The following FAM168A variants were observed in gnomAD, a reference collection of about 807,000 sequenced individuals.
FAM168A encodes the protein family with sequence similarity 168 member A.
A neutral mutation model predicts 28.5 loss-of-function variants in FAM168A; 3 were observed. That is an observed-to-expected ratio of 0.11 (90% CI 0.05 to 0.27). FAM168A has a LOEUF of 0.27. Among genes scored for constraint, FAM168A ranks in the 10% least tolerant of loss-of-function variants. The pLI, the probability that FAM168A is intolerant of heterozygous loss-of-function variation, is 1.00. For missense variants in FAM168A, 222 were observed against 311.5 expected (o/e 0.71, Z 2.16); for synonymous variants, 122 against 124.2 (o/e 0.98, Z 0.12).
chr11:73,515,248 G>A (rs1255339435), intron 1 of FAM168A, among the ~76,000 whole-genome samples: 1 of 152,070 alleles, frequency 6.6e-6, no homozygotes, highest in Non-Finnish European at 1.5e-5. Context: ...AGTGGCTCAC[G>A]CCTGTAAGCC....
chr11:73,535,798 T>C (rs1467824581), intron 1 of FAM168A, among the ~76,000 whole-genome samples: 1 of 148,200 alleles, frequency 6.7e-6, no homozygotes, highest in Non-Finnish European at 1.5e-5. Context: ...TGGGCTGAAG[T>C]GATCCTCCCA....
At chr11:73,571,687 C>T (rs564857292) in intron 1 of FAM168A, among the ~76,000 whole-genome samples, 1 of 152,096 alleles carries the variant, frequency 6.6e-6, no homozygotes, top group Admixed American at 6.5e-5. Flanking sequence ...AAGTGAGGAG[C>T]GTCTCTGCCT....
chr11:73,511,563 TAAG>T (rs1565277394), intron 1 of FAM168A, among the ~76,000 whole-genome samples: 1 of 152,140 alleles, frequency 6.6e-6, no homozygotes, highest in African/African-American at 2.4e-5. Context: ...TAATGAATCT[TAAG>T]CTGTTTTAGC....
intron 2 of FAM168A, among the ~76,000 whole-genome samples, chr11:73,458,815 T>C (rs1448738169): frequency 3.3e-5 from 5 of 152,164 alleles, no homozygotes; most frequent in Non-Finnish European, 7.4e-5. Flanking sequence ...TTTCACTATG[T>C]TGGCCAGGCT....
chr11:73,586,320 C>T (rs931559746), intron 1 of FAM168A, among the ~76,000 whole-genome samples: 2 of 152,128 alleles, frequency 1.3e-5, no homozygotes, highest in African/African-American at 4.8e-5. Flanking sequence ...ATGACATACA[C>T]CTGTAGTCCC....
chr11:73,447,536 A>G (rs997751263), intron 2 of FAM168A, among the ~76,000 whole-genome samples: 3 of 150,450 alleles, frequency 2.0e-5, no homozygotes, highest in African/African-American at 4.9e-5. Flanking sequence ...AGCCTGGGCA[A>G]CAGAGTGTAA....
At chr11:73,442,369 G>A (rs1330760292) in intron 2 of FAM168A, among the ~76,000 whole-genome samples, 2 of 151,880 alleles carry the variant, frequency 1.3e-5, no homozygotes, top group East Asian at 1.9e-4. Flanking sequence ...CTCATGATCC[G>A]TCTGCCTCAG....
intron 1 of FAM168A, among the ~76,000 whole-genome samples, chr11:73,561,063 A>G (rs1168487513): frequency 4.8e-5 from 6 of 125,624 alleles, no homozygotes; most frequent in Admixed American, 4.5e-4. Context: ...CTCTGTCCCA[A>G]AAAAAAAAAA....
At chr11:73,411,574 G>T in intron 4 of FAM168A, 38 bp from the exon 5 acceptor site, 1 of 1,612,274 alleles carries the variant, frequency 6.2e-7, no homozygotes, top group Non-Finnish European at 8.5e-7. Flanking sequence ...CAGTTAGTTG[G>T]CAGAAAAGCA....
intron 1 of FAM168A, among the ~76,000 whole-genome samples, chr11:73,544,475 T>C (rs974752033): frequency 2.0e-5 from 3 of 151,818 alleles, no homozygotes; most frequent in African/African-American, 7.3e-5. Context: ...TAAAAACTTA[T>C]ATGCTAATGT....
At chr11:73,438,615 C>A (rs966742657) in intron 2 of FAM168A, among the ~76,000 whole-genome samples, 6 of 151,878 alleles carry the variant, frequency 4.0e-5, no homozygotes, top group Non-Finnish European at 5.9e-5. Context: ...TGGAATTAAT[C>A]AAAAAATAAC....
At chr11:73,457,720 T>G (rs1867561374) in intron 2 of FAM168A, among the ~76,000 whole-genome samples, 3 of 43,802 alleles carry the variant, frequency 6.8e-5, no homozygotes, top group Non-Finnish European at 8.2e-5. Context: ...CTAGCCTGGG[T>G]GACAAAAAAA....
At chr11:73,422,049 C>T (rs1217431310) in intron 3 of FAM168A, among the ~76,000 whole-genome samples, 5 of 152,180 alleles carry the variant, frequency 3.3e-5, no homozygotes, top group African/African-American at 1.2e-4. Context: ...CTGAGGTCTA[C>T]ACTGCACTCA....
rs1207363433 is a variant in FAM168A at position 73,401,906 on chromosome 11, C to T, written c.*4857G>A. 1 of 152,208 alleles carries T rather than the reference C, an allele frequency of 6.6e-6. No individual in the cohort carries two copies. Among genetic ancestry groups the T allele is most frequent in the Non-Finnish European group, 1.5e-5 (1 of 68,050 alleles). The allele number at this position is 152,208 out of a possible 1,614,324, so 9.4% of individuals were successfully genotyped here. A position where few individuals can be genotyped will look rare whatever the true frequency, so the allele number is the denominator to read the frequency against. ...TGCCAGGAATTTTGAAGGCTGGGTC[C>T]TGGAACCATATAATGCCTAATTTCA... On this transcript the variant is annotated 3_prime_UTR_variant, in exon 8 of 8. Transcript: ENST00000356467.
chr11:73,432,546 T>C (rs1001966803), intron 2 of FAM168A, among the ~76,000 whole-genome samples: 4 of 152,156 alleles, frequency 2.6e-5, no homozygotes, highest in African/African-American at 9.7e-5. Context: ...TATTGAGCAT[T>C]TTTCATGTAC....
At chr11:73,496,650 T>C (rs1399288159) in intron 1 of FAM168A, among the ~76,000 whole-genome samples, 1 of 152,192 alleles carries the variant, frequency 6.6e-6, no homozygotes, top group African/African-American at 2.4e-5. Context: ...AAGCTCCGCC[T>C]CCCGCGTTCA....
intron 1 of FAM168A, among the ~76,000 whole-genome samples, chr11:73,496,646 C>T (rs949338985): frequency 4.6e-5 from 7 of 152,130 alleles, no homozygotes; most frequent in African/African-American, 1.7e-4. Flanking sequence ...CTGCAAGCTC[C>T]GCCTCCCGCG....
At position 73,494,497 on chromosome 11, in the gene FAM168A, AG is replaced by A. The variant is rs538123342; in HGVS notation, c.-18-26006del. 6.4e-4 allele frequency among the ~76,000 whole-genome samples: 98 copies of A among 152,348 alleles called. 1 individual carries two copies. In the South Asian group the frequency reaches 0.019, roughly 30 times the overall value. ...AATACCAGGCCAAGTCCTTTGTCTC[AG>A]GACAGAAGGGCTCAGAAAAACCTGG... On this transcript the variant is annotated intron_variant, in intron 1 of 7. Transcript: ENST00000356467.
intron 1 of FAM168A, among the ~76,000 whole-genome samples, chr11:73,518,764 G>A (rs570970230): frequency 2.0e-5 from 3 of 152,200 alleles, no homozygotes; most frequent in Admixed American, 6.5e-5. Flanking sequence ...GGGCGTGGTC[G>A]TGCGCACCTG....
Sources: gnomAD v4.1 joint callset for allele counts (sites outside exome capture counted in the v4.1 genomes callset) on GRCh38, gnomAD v4.1.1 for gene constraint, MANE v1.5 for transcripts, NCBI Gene and HGNC (gene_info 2026-07-23, HGNC 2026-07-21) for gene names.